PCDH15: variants seen among roughly 807,000 people sequenced by gnomAD.
PCDH15 encodes protocadherin related 15.
In PCDH15, 129 loss-of-function variants were observed where a neutral mutation model predicts 178.5. The ratio of observed to expected loss-of-function variants is 0.72; its 90% CI spans 0.63 to 0.84. The LOEUF is 0.84. Among genes scored for constraint, PCDH15 ranks in the 40% least tolerant of loss-of-function variants. PCDH15 has a pLI of 0.00. For missense variants in PCDH15, 2,230 were observed against 2,099.9 expected (o/e 1.06, Z -1.21); for synonymous variants, 800 against 732.0 (o/e 1.09, Z -1.50).
chr10:55,553,148 G>C (rs1054907063), intron 2 of PCDH15, among the ~76,000 whole-genome samples: 73 of 150,942 alleles, frequency 4.8e-4, no homozygotes, highest in African/African-American at 1.7e-3. Flanking sequence ...CACAGAATAA[G>C]TGATGGTTAG....
chr10:55,394,413 T>G (rs1837873475), intron 2 of PCDH15, among the ~76,000 whole-genome samples: 1 of 151,998 alleles, frequency 6.6e-6, no homozygotes, highest in Admixed American at 6.6e-5. Flanking sequence ...TATGAATTTC[T>G]AAGTGAGAAG....
At chr10:55,377,160 A>AG (rs1235718553) in intron 2 of PCDH15, among the ~76,000 whole-genome samples, 1 of 151,004 alleles carries the variant, frequency 6.6e-6, no homozygotes, top group East Asian at 1.9e-4. Context: ...AAAAAAAAAA[A>AG]AAAGAAAAGA....
upstream of PCDH15, among the ~76,000 whole-genome samples, chr10:54,805,262 T>C (rs1952761165): frequency 1.3e-5 from 2 of 151,800 alleles, no homozygotes; most frequent in Admixed American, 1.3e-4. Context: ...GAGAAGGCAT[T>C]TTTTTAAAAC....
chr10:54,355,582 A>G (rs1263155542), intron 5 of PCDH15, among the ~76,000 whole-genome samples: 1 of 151,976 alleles, frequency 6.6e-6, no homozygotes, highest in Non-Finnish European at 1.5e-5. Flanking sequence ...ACATAACAGA[A>G]CCCAAGATTC....
At chr10:55,213,241 G>A (rs917283845) in intron 1 of PCDH15, among the ~76,000 whole-genome samples, 1 of 152,108 alleles carries the variant, frequency 6.6e-6, no homozygotes, top group Non-Finnish European at 1.5e-5. Context: ...ACATAGGCAT[G>A]AGGATGGATG....
intron 2 of PCDH15, among the ~76,000 whole-genome samples, chr10:54,531,996 G>T (rs765812071): frequency 6.6e-6 from 1 of 152,076 alleles, no homozygotes; most frequent in Non-Finnish European, 1.5e-5. Flanking sequence ...AAAATGTACC[G>T]ATCGATAAGT....
chr10:55,472,759 G>A (rs1240650583), intron 2 of PCDH15, among the ~76,000 whole-genome samples: 1 of 152,010 alleles, frequency 6.6e-6, no homozygotes, highest in African/African-American at 2.4e-5. Context: ...TAGTAGAGAC[G>A]GGGTTTCACC....
intron 8 of PCDH15, among the ~76,000 whole-genome samples, chr10:54,282,376 T>G (rs963558020): frequency 6.6e-6 from 1 of 151,986 alleles, no homozygotes; most frequent in Non-Finnish European, 1.5e-5. Context: ...GACCATACAC[T>G]GCACTAGAAA....
intron 2 of PCDH15, among the ~76,000 whole-genome samples, chr10:55,395,286 C>A (rs1837900920): frequency 6.7e-6 from 1 of 149,946 alleles, no homozygotes; most frequent in Admixed American, 6.7e-5. Flanking sequence ...AACTTTAATG[C>A]GTTATAAACC....
At chr10:54,934,294 T>G (rs1256025365) in intron 2 of PCDH15, among the ~76,000 whole-genome samples, 1 of 152,114 alleles carries the variant, frequency 6.6e-6, no homozygotes, top group East Asian at 1.9e-4. Context: ...ACACATGACA[T>G]GAGAGAGGAC....
intron 2 of PCDH15, among the ~76,000 whole-genome samples, chr10:55,129,014 T>A (rs950846084): frequency 6.6e-6 from 1 of 152,102 alleles, no homozygotes; most frequent in Non-Finnish European, 1.5e-5. Flanking sequence ...CGTTGCCTGA[T>A]GTCCCATGGG....
intron 3 of PCDH15, chr10:54,897,358 A>T (rs774446075): frequency 9.2e-5 from 14 of 152,202 alleles, no homozygotes; most frequent in Non-Finnish European, 2.1e-4. Context: ...CACTCTACTT[A>T]TGATTCTCTT....
chr10:55,247,214 C>A (rs773135241), intron 1 of PCDH15, among the ~76,000 whole-genome samples: 5 of 152,122 alleles, frequency 3.3e-5, no homozygotes, highest in Non-Finnish European at 2.9e-5. Flanking sequence ...GATTTTTCAA[C>A]ACTTTGTTTA....
At chr10:54,036,520 A>T (rs1476509896) in intron 18 of PCDH15, among the ~76,000 whole-genome samples, 1 of 151,916 alleles carries the variant, frequency 6.6e-6, no homozygotes, top group Non-Finnish European at 1.5e-5. Flanking sequence ...GGAAGCATAA[A>T]CTATGTTTAC....
At chr10:55,609,699 T>C (rs1843323612) in intron 2 of PCDH15, among the ~76,000 whole-genome samples, 1 of 152,148 alleles carries the variant, frequency 6.6e-6, no homozygotes, top group African/African-American at 2.4e-5. Flanking sequence ...GTGCTATCTA[T>C]TTAACATTAG....
intron 2 of PCDH15, among the ~76,000 whole-genome samples, chr10:55,557,817 G>A (rs1589136776): frequency 6.6e-6 from 1 of 152,012 alleles, no homozygotes; most frequent in African/African-American, 2.4e-5. Flanking sequence ...AAAGAACCGA[G>A]GTAAGAAAAT....
intron 1 of PCDH15, among the ~76,000 whole-genome samples, chr10:55,278,112 G>A (rs1348881547): frequency 6.6e-6 from 1 of 152,096 alleles, no homozygotes; most frequent in Non-Finnish European, 1.5e-5. Flanking sequence ...GTTATGAACA[G>A]ATATGTTAAT....
intron 3 of PCDH15, among the ~76,000 whole-genome samples, chr10:54,494,468 T>A (rs2079921414): frequency 6.6e-6 from 1 of 152,142 alleles, no homozygotes; most frequent in Non-Finnish European, 1.5e-5. Context: ...TTAACCAATT[T>A]CGGTTAAGTT....
intron 26 of PCDH15, among the ~76,000 whole-genome samples, chr10:53,868,671 C>T (rs891146045): frequency 3.3e-5 from 5 of 152,094 alleles, no homozygotes; most frequent in Non-Finnish European, 5.9e-5. Flanking sequence ...TTAAATACAG[C>T]ATCAACTTGA....
Sources: allele counts gnomAD v4.1 joint callset (sites outside exome capture counted in the v4.1 genomes callset), GRCh38; gene constraint gnomAD v4.1.1; transcripts MANE v1.5; gene names NCBI Gene and HGNC (gene_info 2026-07-23, HGNC 2026-07-21).